HK1: variants seen among roughly 807,000 people sequenced by gnomAD.
The protein encoded by HK1 is hexokinase-1.
Under a neutral mutation model 91.6 loss-of-function variants are expected in HK1, and 28 were observed. That is an observed-to-expected ratio of 0.31 (90% CI 0.23 to 0.42). HK1 has a LOEUF of 0.42. HK1 is among the 10% of genes least tolerant of loss of function. HK1 has a pLI of 1.00. For synonymous variants in HK1, 430 were observed against 468.1 expected, an observed-to-expected ratio of 0.92 and a Z score of 1.05; for missense variants, 770 against 1,219.8, an observed-to-expected ratio of 0.63 and a Z score of 5.49.
intron 5 of HK1, among the ~76,000 whole-genome samples, chr10:69,308,207 A>T (rs185054563): frequency 6.6e-6 from 1 of 152,254 alleles, no homozygotes; most frequent in East Asian, 1.9e-4. Context: ...TTTGTGGAAG[A>T]CAATTTTTCC....
At chr10:69,395,863 C>T (rs553794828) in intron 16 of HK1, among the ~76,000 whole-genome samples, 1 of 152,274 alleles carries the variant, frequency 6.6e-6, no homozygotes, top group African/African-American at 2.4e-5. Context: ...TTCTTCCTGG[C>T]CTTTGCTGTC....
At chr10:69,365,666 C>G (rs1013968740) in intron 4 of HK1, among the ~76,000 whole-genome samples, 8 of 152,034 alleles carry the variant, frequency 5.3e-5, no homozygotes, top group African/African-American at 1.9e-4. Context: ...TCACTTAAGT[C>G]CAGGAGTTCA....
At chr10:69,286,749 C>T (rs1404837861) in intron 2 of HK1, among the ~76,000 whole-genome samples, 1 of 151,942 alleles carries the variant, frequency 6.6e-6, no homozygotes, top group African/African-American at 2.4e-5. Flanking sequence ...GGTTTCACCT[C>T]GTTGGTCAGG....
At chr10:69,338,446 T>G (rs1262156633) in intron 1 of HK1, 11 of 1,265,510 alleles carry the variant, frequency 8.7e-6, no homozygotes, top group Admixed American at 4.7e-5. Context: ...GAGGGAGCAT[T>G]TGAGGGCCTG....
chr10:69,323,100 G>C (rs557433470), intron 1 of HK1, among the ~76,000 whole-genome samples: 51 of 151,934 alleles, frequency 3.4e-4, no homozygotes, highest in Admixed American at 1.6e-3. Context: ...ACAAAAATTA[G>C]CTGGACGTGG....
chr10:69,375,390 G>T (rs1839040762), intron 7 of HK1, among the ~76,000 whole-genome samples: 1 of 152,210 alleles, frequency 6.6e-6, no homozygotes, highest in Admixed American at 6.5e-5. Context: ...CACCAGTGCT[G>T]AGATTCCTGT....
intron 3 of HK1, 44 bp downstream of exon 3, chr10:69,360,089 C>T (rs377553982): frequency 6.3e-7 from 1 of 1,594,726 alleles, no homozygotes. Flanking sequence ...GGCCAGCATC[C>T]CCTTGGTTAC....
chr10:69,324,901 A>G (rs1847241421), intron 1 of HK1, among the ~76,000 whole-genome samples: 1 of 152,196 alleles, frequency 6.6e-6, no homozygotes, highest in Non-Finnish European at 1.5e-5. Context: ...TTGATCTTAA[A>G]GAAAAATAGG....
At chr10:69,386,096 C>A (rs376598232) in intron 12 of HK1, among the ~76,000 whole-genome samples, 14 of 104,814 alleles carry the variant, frequency 1.3e-4, no homozygotes, top group African/African-American at 5.5e-4. Context: ...TGCTATTTAC[C>A]TAATGTGCCT....
intron 16 of HK1, 79 bp downstream of exon 16, chr10:69,395,184 G>A (rs1840080371): frequency 4.3e-6 from 6 of 1,405,616 alleles, no homozygotes; most frequent in Non-Finnish European, 5.0e-6. Context: ...GGGGTGGTAG[G>A]GACCCTAGGG....
chr10:69,345,779 T>C (rs952220871), intron 2 of HK1, among the ~76,000 whole-genome samples: 1 of 152,168 alleles, frequency 6.6e-6, no homozygotes, highest in Non-Finnish European at 1.5e-5. Flanking sequence ...CTTCACAAAC[T>C]GTTTCCAGGA....
intron 2 of HK1, among the ~76,000 whole-genome samples, chr10:69,356,882 C>CAAA (rs778360296): frequency 0.025 from 1,550 of 61,708 alleles, 26 homozygotes; most frequent in South Asian, 0.035. Context: ...AACTCCATCT[C>CAAA]AAAAAAAAAA....
chr10:69,297,140 TA>T (rs1589448251), intron 4 of HK1, among the ~76,000 whole-genome samples: 1 of 152,194 alleles, frequency 6.6e-6, no homozygotes, highest in Non-Finnish European at 1.5e-5. Context: ...ACTGATAACA[TA>T]AAGTCAATTA....
chr10:69,315,793 C>A, upstream of HK1: 1 of 726,458 alleles, frequency 1.4e-6, no homozygotes, highest in Non-Finnish European at 2.5e-6. Context: ...GCCCAGGTTG[C>A]ATGAGGGGTT....
intron 1 of HK1, among the ~76,000 whole-genome samples, chr10:69,331,680 G>A (rs1847723673): frequency 6.6e-6 from 1 of 151,884 alleles, no homozygotes; most frequent in African/African-American, 2.4e-5. Context: ...CTTGAGATCA[G>A]CCAGGGCAAT....
chr10:69,359,313 G>A (rs1308399159), intron 2 of HK1, among the ~76,000 whole-genome samples: 1 of 152,196 alleles, frequency 6.6e-6, no homozygotes, highest in Non-Finnish European at 1.5e-5. Flanking sequence ...AGTGGTGATG[G>A]TTGCACAACA....
At chr10:69,352,301 T>C (rs1035519215) in intron 2 of HK1, among the ~76,000 whole-genome samples, 4 of 152,112 alleles carry the variant, frequency 2.6e-5, no homozygotes, top group Admixed American at 6.6e-5. Context: ...CTGAATTCAA[T>C]TTTTTAACCT....
At chr10:69,288,348 G>C (rs941174326) in intron 2 of HK1, among the ~76,000 whole-genome samples, 1 of 151,950 alleles carries the variant, frequency 6.6e-6, no homozygotes, top group Admixed American at 6.6e-5. Flanking sequence ...AGTAGCTCAG[G>C]CCTGTAACCC....
intron 7 of HK1, among the ~76,000 whole-genome samples, chr10:69,373,339 A>G (rs1337660915): frequency 6.6e-6 from 1 of 152,150 alleles, no homozygotes; most frequent in Non-Finnish European, 1.5e-5. Flanking sequence ...CATAATAGCT[A>G]TGTGGCTCCT....
Sources: gnomAD v4.1 joint callset for allele counts (sites outside exome capture counted in the v4.1 genomes callset) on GRCh38, gnomAD v4.1.1 for gene constraint, MANE v1.5 for transcripts, NCBI Gene and HGNC (gene_info 2026-07-23, HGNC 2026-07-21) for gene names.